The following TRMT1L variants were observed in gnomAD, a reference collection of about 807,000 sequenced individuals.
The protein encoded by TRMT1L is tRNA (guanine(27)-N(2))-dimethyltransferase.
TRMT1L carries 28 observed loss-of-function variants against 81.6 expected under a neutral mutation model. The ratio of observed to expected loss-of-function variants is 0.34; its 90% CI spans 0.25 to 0.47. TRMT1L has a LOEUF of 0.47. TRMT1L is among the 20% of genes least tolerant of loss of function. TRMT1L has a pLI of 1.00. For missense variants in TRMT1L, 739 were observed against 877.1 expected, an observed-to-expected ratio of 0.84 and a Z score of 1.99; for synonymous variants, 301 against 303.2, an observed-to-expected ratio of 0.99 and a Z score of 0.07.
At chr1:185,149,427 C>G (rs1004813656) in intron 3 of TRMT1L, among the ~76,000 whole-genome samples, 1 of 151,848 alleles carries the variant, frequency 6.6e-6, no homozygotes, top group African/African-American at 2.4e-5. Context: ...CTGAGCCTCT[C>G]TAGCAGTTGC....
At position 185,147,260 on chromosome 1, in the gene TRMT1L, T is replaced by C. The variant is rs1390181181; in HGVS notation, c.461-14A>G. On this transcript the variant is annotated splice_polypyrimidine_tract_variant and intron_variant, in intron 3 of 14. Coordinates refer to ENST00000367506, the MANE Select transcript of TRMT1L (RefSeq NM_030934.5). ...ACATCCTGTAACCTAAAATAAAGAA[T>C]GGCTGGTTATCATACATTGTTCATT... The C allele has an allele frequency of 1.9e-6, 3 of 1,590,868 alleles. No individual in the cohort carries two copies. The highest frequency in any genetic ancestry group is 2.6e-6 in the Non-Finnish European group (3 of 1,164,572).
chr1:185,146,286 G>C (rs1653186423), intron 4 of TRMT1L, among the ~76,000 whole-genome samples: 1 of 151,970 alleles, frequency 6.6e-6, no homozygotes, highest in East Asian at 1.9e-4. Flanking sequence ...GAATGTTAGA[G>C]ACATAATTAG....
chr1:185,140,935 G>A (rs1471202253), intron 7 of TRMT1L, among the ~76,000 whole-genome samples: 1 of 145,688 alleles, frequency 6.9e-6, no homozygotes, highest in African/African-American at 2.6e-5. Flanking sequence ...TCGAGATGGT[G>A]CCAAGACCCC....
Position 185,139,956 on chromosome 1 carries a change from A to G in TRMT1L, c.1109+17T>C, listed in dbSNP as rs756708031. On this transcript the variant is annotated intron_variant, in intron 8 of 14. Coordinates refer to ENST00000367506, the MANE Select transcript of TRMT1L (RefSeq NM_030934.5). ...AGATAAGTTTAGAAAGTGACACGGC[A>G]AGTCTTTTCTACTTACATGAAATCA... is the stretch of plus-strand genomic sequence containing the variant. 1 of 1,594,780 alleles carries G rather than the reference A, an allele frequency of 6.3e-7. No individual in the cohort carries two copies. The highest frequency in any genetic ancestry group is 2.2e-5 in the East Asian group (1 of 44,464).
chr1:185,157,027 T>C (rs945189720), upstream of TRMT1L: 1 of 345,624 alleles, frequency 2.9e-6, no homozygotes, highest in Admixed American at 4.6e-5. Flanking sequence ...GTTTCTACGG[T>C]GCGTCTCCGG....
chr1:185,155,224 G>A (rs542202546), intron 1 of TRMT1L, among the ~76,000 whole-genome samples: 1 of 152,310 alleles, frequency 6.6e-6, no homozygotes, highest in South Asian at 2.1e-4. Flanking sequence ...AGGAGGTAGA[G>A]AATGCATGCA....
At position 185,118,193 on chromosome 1, in the gene TRMT1L, C is replaced by T. The variant is rs1037129515; in HGVS notation, c.*1826G>A. On this transcript the variant is annotated 3_prime_UTR_variant, in exon 15 of 15. Transcript: ENST00000367506. ...ATGTCCCAAATTACTACTATTGTTA[C>T]GAGAATAAGATTGCTCAGGTTGCTA... 1 of 152,138 alleles carries T rather than the reference C, an allele frequency of 6.6e-6. No homozygotes were observed. Among genetic ancestry groups the T allele is most frequent in the Admixed American group, 6.5e-5 (1 of 15,272 alleles). 9.4% of individuals were successfully genotyped at this position (152,138 alleles called of 1,614,324 possible).
intron 11 of TRMT1L, among the ~76,000 whole-genome samples, chr1:185,128,134 A>C (rs1412519272): frequency 6.6e-6 from 1 of 152,178 alleles, no homozygotes; most frequent in Non-Finnish European, 1.5e-5. Flanking sequence ...AACAAACAAA[A>C]AAAACCAATT....
In TRMT1L at chr1:185,146,615, T is replaced by C. The variant is rs567102745; in HGVS notation, c.525+567A>G. 5.3e-5 allele frequency among the ~76,000 whole-genome samples: 8 copies of C among 152,164 alleles called. No individual in the cohort carries two copies. The East Asian group carries it at 1.5e-3, about 29-fold the overall frequency. ...TTTAGTGGCTCAAAAGAAAATGTAA[T>C]AATGGGAACTCATTACGCCAATATG... On this transcript the variant is annotated intron_variant, in intron 4 of 14. Coordinates refer to ENST00000367506, the MANE Select transcript of TRMT1L (RefSeq NM_030934.5).
At chr1:185,133,466 A>G (rs959902487) in intron 10 of TRMT1L, among the ~76,000 whole-genome samples, 3 of 152,116 alleles carry the variant, frequency 2.0e-5, no homozygotes, top group Non-Finnish European at 4.4e-5. Flanking sequence ...CTGAGTAGGC[A>G]CTGGTTCTAG....
chr1:185,138,814 T>C (rs1265804011), intron 9 of TRMT1L, among the ~76,000 whole-genome samples: 1 of 152,084 alleles, frequency 6.6e-6, no homozygotes, highest in African/African-American at 2.4e-5. Context: ...TGAGGCAGAG[T>C]CTCACTATGT....
At chr1:185,128,350 A>G (rs28645149) in intron 11 of TRMT1L, among the ~76,000 whole-genome samples, 4 of 152,306 alleles carry the variant, frequency 2.6e-5, no homozygotes, top group African/African-American at 7.2e-5. Context: ...TAAAAATCAC[A>G]TGCTAGATCT....
chr1:185,150,788 T>C (rs546791657), intron 2 of TRMT1L, among the ~76,000 whole-genome samples: 1 of 152,310 alleles, frequency 6.6e-6, no homozygotes, highest in East Asian at 1.9e-4. Flanking sequence ...TCCGGCCAAA[T>C]TTTCTGCCAC....
Position 185,128,659 on chromosome 1 carries a change from G to A in TRMT1L, c.1592+10C>T, listed in dbSNP as rs747995040. On this transcript the variant is annotated intron_variant, in intron 11 of 14. Coordinates refer to ENST00000367506, the MANE Select transcript of TRMT1L (RefSeq NM_030934.5). ...CAAATTTTAATATGTTCTTATGGCT[G>A]GTCACATACCACAGAGGTCCAAGTT... The A allele has an allele frequency of 6.2e-7, 1 of 1,610,844 alleles. No individual in the cohort carries two copies. Among genetic ancestry groups the A allele is most frequent in the Admixed American group, 1.7e-5 (1 of 59,770 alleles).
intron 10 of TRMT1L, among the ~76,000 whole-genome samples, chr1:185,131,024 C>T (rs1169447475): frequency 6.6e-6 from 1 of 151,414 alleles, no homozygotes; most frequent in Admixed American, 6.6e-5. Flanking sequence ...TTTTTTGAGA[C>T]AGTCTCGCTT....
chr1:185,138,459 T>C (rs1036366051), intron 9 of TRMT1L, among the ~76,000 whole-genome samples: 1 of 152,176 alleles, frequency 6.6e-6, no homozygotes, highest in Non-Finnish European at 1.5e-5. Context: ...TGAAGTCTAA[T>C]AATCTGTATT....
At chr1:185,143,021 T>C (rs1441875941) in intron 7 of TRMT1L, among the ~76,000 whole-genome samples, 2 of 152,176 alleles carry the variant, frequency 1.3e-5, no homozygotes, top group Non-Finnish European at 2.9e-5. Flanking sequence ...TTTAAAAATC[T>C]TTACCTTTTA....
In TRMT1L at chr1:185,137,678, T is replaced by C. The variant is rs1381020736; in HGVS notation, c.1441A>G (p.Lys481Glu). Residue 481 changes from lysine to glutamate, a missense_variant, in exon 10 of 15, where the codon AAG becomes GAG. Physicochemically the swap from Lys to Glu is moderately conservative, Grantham distance 56 (BLOSUM62 1). Around this residue, in one of 4 missense-constraint regions of TRMT1L, gnomAD observed 331 missense variants for 462.2 expected, o/e 0.72. Transcript: ENST00000367506. ...TGACAATGGATCAGGTATTGAATCT[T>C]CTTGGCTGTTTCATCTGCTGAAGTA... Reference protein sequence around the residue: ...GPTSADETAKKIQYLIHCQWC... With the variant: ...GPTSADETAKEIQYLIHCQWC... The C allele has an allele frequency of 1.2e-6, 2 of 1,614,058 alleles. No homozygotes were observed. The highest frequency in any genetic ancestry group is 1.1e-5 in the South Asian group (1 of 91,088).
At chr1:185,129,455 T>A (rs1358459231) in intron 10 of TRMT1L, among the ~76,000 whole-genome samples, 1 of 152,228 alleles carries the variant, frequency 6.6e-6, no homozygotes, top group Non-Finnish European at 1.5e-5. Flanking sequence ...CTAGCACTAT[T>A]CTTAGTTTTC....
Sources: gnomAD v4.1 joint callset for allele counts (sites outside exome capture counted in the v4.1 genomes callset) on GRCh38, gnomAD v4.1.1 for gene constraint, gnomAD v4.1.1 regional missense constraint, MANE v1.5 for transcripts, NCBI Gene and HGNC (gene_info 2026-07-23, HGNC 2026-07-21) for gene names.